The following PCDH11Y variants were observed in gnomAD, a reference collection of about 807,000 sequenced individuals.
PCDH11Y encodes protocadherin-11 Y-linked.
For missense variants in PCDH11Y, 12 were observed against 224.8 expected, an observed-to-expected ratio of 0.05 and a Z score of 6.05; for synonymous variants, 9 against 83.6, an observed-to-expected ratio of 0.11 and a Z score of 4.87.
chrY:5,196,017 A>G (rs2124649035), intron 2 of PCDH11Y, among the ~76,000 whole-genome samples: 11 of 31,291 alleles, frequency 3.5e-4, no homozygotes, highest in Admixed American at 3.0e-3. Context: ...TGGAAGATAA[A>G]TTGTTCACTG....
At chrY:5,357,837 C>T in intron 2 of PCDH11Y, among the ~76,000 whole-genome samples, 1 of 33,874 alleles carries the variant, frequency 3.0e-5, no homozygotes, top group African/African-American at 1.1e-4. Context: ...GCTTTGTTCA[C>T]ATTAGCCTGG....
intron 4 of PCDH11Y, among the ~76,000 whole-genome samples, chrY:5,665,685 T>G (rs2124707675): frequency 3.0e-5 from 1 of 33,822 alleles, no homozygotes; most frequent in South Asian, 6.5e-4. Context: ...ATATTACTTG[T>G]GTTTTATCAA....
At chrY:5,334,192 C>T in intron 2 of PCDH11Y, among the ~76,000 whole-genome samples, 4 of 33,763 alleles carry the variant, frequency 1.2e-4, no homozygotes, top group African/African-American at 2.3e-4. Context: ...GACCCCTAAA[C>T]GTAATTCCTA....
chrY:5,007,151 G>T, intron 1 of PCDH11Y, among the ~76,000 whole-genome samples: 1 of 31,988 alleles, frequency 3.1e-5, no homozygotes, highest in Non-Finnish European at 7.6e-5. Context: ...ACTGTTCAAG[G>T]ATTTAAACTG....
At chrY:5,733,139 AT>A (rs2053606732) in intron 4 of PCDH11Y, among the ~76,000 whole-genome samples, 1 of 32,959 alleles carries the variant, frequency 3.0e-5, no homozygotes, top group Admixed American at 2.8e-4. Context: ...TCTTTTTGTG[AT>A]TTCTGCATTT....
At chrY:5,253,862 T>C in intron 2 of PCDH11Y, among the ~76,000 whole-genome samples, 1 of 32,924 alleles carries the variant, frequency 3.0e-5, no homozygotes, top group Non-Finnish European at 7.5e-5. Context: ...TGGGTAATGA[T>C]TGAACATAAT....
chrY:5,627,104 T>G (rs2053507734), intron 4 of PCDH11Y, among the ~76,000 whole-genome samples: 1 of 31,592 alleles, frequency 3.2e-5, no homozygotes, highest in African/African-American at 1.2e-4. Context: ...GAGATTCTCC[T>G]GCCTCAGCCT....
chrY:5,046,298 T>A, intron 3 of PCDH11Y, among the ~76,000 whole-genome samples: 1 of 33,694 alleles, frequency 3.0e-5, no homozygotes, highest in Non-Finnish European at 7.4e-5. Context: ...TTGGTGTGGA[T>A]GTCCTTTCTG....
intron 3 of PCDH11Y, among the ~76,000 whole-genome samples, chrY:5,509,486 C>T: frequency 3.2e-5 from 1 of 30,929 alleles, no homozygotes; most frequent in Non-Finnish European, 7.8e-5. Context: ...ACTTCCAGAA[C>T]AACTTGGAAT....
chrY:5,244,660 G>C, intron 2 of PCDH11Y, among the ~76,000 whole-genome samples: 1 of 34,047 alleles, frequency 2.9e-5, no homozygotes, highest in East Asian at 8.0e-4. Flanking sequence ...CATGCCACCA[G>C]GGCCTAAGGC....
intron 2 of PCDH11Y, among the ~76,000 whole-genome samples, chrY:5,113,102 A>G: frequency 5.8e-5 from 2 of 34,728 alleles, no homozygotes; most frequent in East Asian, 1.5e-3. Flanking sequence ...CTGCATTGCA[A>G]TAACACATCT....
intron 2 of PCDH11Y, among the ~76,000 whole-genome samples, chrY:5,128,600 GT>G (rs2052828717): frequency 3.1e-5 from 1 of 32,233 alleles, no homozygotes; most frequent in African/African-American, 1.2e-4. Context: ...TATAATAGAG[GT>G]CTGAGTTGAA....
At chrY:5,088,447 C>T in intron 1 of PCDH11Y, among the ~76,000 whole-genome samples, 2 of 33,305 alleles carry the variant, frequency 6.0e-5, no homozygotes, top group Non-Finnish European at 1.5e-4. Flanking sequence ...ATTCGAATGA[C>T]TTACATGGTT....
chrY:5,024,922 GA>G (rs2052576555), intron 1 of PCDH11Y, among the ~76,000 whole-genome samples: 9 of 32,068 alleles, frequency 2.8e-4, no homozygotes, highest in African/African-American at 9.7e-4. Flanking sequence ...TAGTGTAAGT[GA>G]AAAAAAACAT....
intron 2 of PCDH11Y, among the ~76,000 whole-genome samples, chrY:5,332,202 T>A (rs2124667686): frequency 3.0e-5 from 1 of 33,397 alleles, no homozygotes; most frequent in East Asian, 8.0e-4. Flanking sequence ...CTTTGAGTTG[T>A]CCCACCTTTC....
intron 3 of PCDH11Y, among the ~76,000 whole-genome samples, chrY:5,579,187 A>G (rs2053448751): frequency 2.7e-4 from 9 of 33,111 alleles, no homozygotes; most frequent in Admixed American, 5.5e-4. Flanking sequence ...AGATATTAAA[A>G]TATGTGTGTA....
intron 4 of PCDH11Y, among the ~76,000 whole-genome samples, chrY:5,640,298 C>A: frequency 3.1e-5 from 1 of 32,734 alleles, no homozygotes; most frequent in Non-Finnish European, 7.5e-5. Context: ...AGTATTTTGA[C>A]CCCCCTCCCA....
chrY:5,259,538 A>G lies in PCDH11Y; in HGVS notation c.3129+158831A>G, dbSNP rs553086168. On this transcript the variant is annotated intron_variant, in intron 2 of 4. Transcript: ENST00000400457. Reference sequence around the variant, plus strand: ...TATAACCCATTATTTTAAGCTGATAACACCTTAACATTGTTTGCATAAACA... The same window carrying G: ...TATAACCCATTATTTTAAGCTGATAGCACCTTAACATTGTTTGCATAAACA... 3.9e-3 allele frequency among the ~76,000 whole-genome samples: 126 copies of G among 32,406 alleles called. No homozygotes were observed. The South Asian group carries it at 0.083, about 21-fold the overall frequency. The allele number at this position is 32,406 out of a possible 37,273, so 86.9% of individuals were successfully genotyped here.
chrY:5,445,869 T>C (rs1602926989), intron 2 of PCDH11Y, among the ~76,000 whole-genome samples: 2 of 32,845 alleles, frequency 6.1e-5, no homozygotes, highest in Admixed American at 5.7e-4. Context: ...TTTATTCAAA[T>C]GGTTCTCTTC....
Sources: gnomAD v4.1 joint callset for allele counts (sites outside exome capture counted in the v4.1 genomes callset) on GRCh38, gnomAD v4.1.1 for gene constraint, MANE v1.5 for transcripts, NCBI Gene and HGNC (gene_info 2026-07-23, HGNC 2026-07-21) for gene names.